ARHGAP8: variants seen among roughly 807,000 people sequenced by gnomAD.
ARHGAP8 encodes rho GTPase-activating protein 8.
A neutral mutation model predicts 46.1 loss-of-function variants in ARHGAP8; 62 were observed. The observed-to-expected ratio is 1.34, with a 90% CI of 1.10 to 1.66. ARHGAP8 has a LOEUF of 1.66. Ranked by LOEUF, ARHGAP8 falls within the 40% of genes most tolerant of loss-of-function variation. ARHGAP8 has a pLI of 0.00. For synonymous variants in ARHGAP8, 375 were observed against 243.1 expected, an observed-to-expected ratio of 1.54 and a Z score of -5.05; for missense variants, 923 against 568.4, an observed-to-expected ratio of 1.62 and a Z score of -6.34.
At chr22:44,774,671 C>T (rs541641273) in intron 1 of ARHGAP8, among the ~76,000 whole-genome samples, 112 of 151,818 alleles carry the variant, frequency 7.4e-4, no homozygotes, top group Non-Finnish European at 1.2e-3. Flanking sequence ...TACAGGCACC[C>T]GCCACCACAC....
chr22:44,766,664 C>T (rs1393598045), intron 1 of ARHGAP8, among the ~76,000 whole-genome samples: 3 of 152,166 alleles, frequency 2.0e-5, no homozygotes, highest in Admixed American at 2.0e-4. Context: ...GGGGACCCTT[C>T]CGGGGGCTCT....
Position 44,846,876 on chromosome 22 carries a change from G to C in ARHGAP8, c.671-1097G>C, listed in dbSNP as rs1042077245. ...CCCTGCCAGACCGGGGTCCCTGTTA[G>C]GGGGGTTGACCTTGTTGGGGGGCTT... On this transcript the variant is annotated intron_variant, in intron 8 of 11. Transcript: ENST00000356099. Among the ~76,000 whole-genome samples the C allele has an allele frequency of 5.9e-5, 9 of 152,170 alleles. No homozygotes were observed. The East Asian group carries it at 9.7e-4, about 16-fold the overall frequency.
At chr22:44,833,547 A>G (rs1931101869) in intron 7 of ARHGAP8, among the ~76,000 whole-genome samples, 1 of 151,906 alleles carries the variant, frequency 6.6e-6, no homozygotes, top group Non-Finnish European at 1.5e-5. Context: ...AATCTTTTTC[A>G]TATATTGCTG....
chr22:44,855,853 G>A (rs900608389), intron 10 of ARHGAP8, among the ~76,000 whole-genome samples: 14 of 152,176 alleles, frequency 9.2e-5, no homozygotes, highest in Non-Finnish European at 1.5e-4. Flanking sequence ...CTGAGGCTGG[G>A]TAATTTATAA....
chr22:44,829,027 C>T (rs1487246701), intron 7 of ARHGAP8, among the ~76,000 whole-genome samples: 1 of 146,152 alleles, frequency 6.8e-6, no homozygotes, highest in African/African-American at 2.5e-5. Context: ...AATCCCAACA[C>T]TTTGGGAGGC....
intron 10 of ARHGAP8, among the ~76,000 whole-genome samples, chr22:44,854,898 G>A (rs1487375192): frequency 2.0e-5 from 3 of 151,984 alleles, no homozygotes; most frequent in Non-Finnish European, 4.4e-5. Context: ...TGCCCGCCTT[G>A]GCCTCCCGAA....
chr22:44,776,723 A>G (rs112215177), intron 1 of ARHGAP8, among the ~76,000 whole-genome samples: 1 of 152,148 alleles, frequency 6.6e-6, no homozygotes, highest in African/African-American at 2.4e-5. Flanking sequence ...TTTGGTAATT[A>G]ACTGAAAGCC....
At chr22:44,779,012 C>A (rs1376088404) in intron 1 of ARHGAP8, among the ~76,000 whole-genome samples, 2 of 151,942 alleles carry the variant, frequency 1.3e-5, no homozygotes, top group African/African-American at 4.8e-5. Context: ...AAAACACACC[C>A]ACAAATAGAT....
chr22:44,828,886 T>C (rs9637350), intron 7 of ARHGAP8, among the ~76,000 whole-genome samples: 83,281 of 151,766 alleles, frequency 0.55, 23,617 homozygotes, highest in East Asian at 0.71. Flanking sequence ...GGGGTGGGTC[T>C]TTAGCTGGGA....
rs139825565 is a variant in ARHGAP8, at chr22:44,862,545, A to C, written c.1252A>C (p.Lys418Gln). The change falls in exon 12 of 12, where the codon AAG becomes CAG. Residue 418 changes from lysine (K) to glutamine (Q), a missense_variant. By Grantham distance (53) the Lys-to-Gln change is moderately conservative. Coordinates refer to ENST00000356099, the MANE Select transcript of ARHGAP8 (RefSeq NM_181335.3). ...VPRTQATGLT[K>Q]PTLPPSPLMA... ...ACGGACACAAGCCACGGGCCTCACCAAGCCTACCCTACCTCCGAGTCCCCT... is the reference window on the plus strand; with the variant it reads ...ACGGACACAAGCCACGGGCCTCACCCAGCCTACCCTACCTCCGAGTCCCCT... 6.9e-6 allele frequency: 11 copies of C among 1,603,936 alleles called. No individual in the cohort carries two copies. In the Admixed American group the frequency reaches 8.4e-5, roughly 12 times the overall value.
At chr22:44,811,373 A>G (rs1382618398) in intron 4 of ARHGAP8, among the ~76,000 whole-genome samples, 2 of 152,260 alleles carry the variant, frequency 1.3e-5, no homozygotes, top group African/African-American at 2.4e-5. Flanking sequence ...GAGCTCTCAC[A>G]TTGAAGGGCG....
chr22:44,858,723 A>T lies in ARHGAP8; in HGVS notation c.878-1008A>T, dbSNP rs968144164. ...TGGAGCTCCAGTGGTAGATGTGGTT[A>T]TAAGGGTAACTGGGGGGTCTCAGAG... On this transcript the variant is annotated intron_variant, in intron 10 of 11. Transcript: ENST00000356099. Among the ~76,000 whole-genome samples the T allele has an allele frequency of 2.9e-5, 4 of 137,706 alleles. 1 individual carries two copies. The highest frequency in any genetic ancestry group is 4.7e-5 in the Non-Finnish European group (3 of 63,398). The allele number at this position is 137,706 out of a possible 152,430, so 90.3% of individuals were successfully genotyped here. A position where few individuals can be genotyped will look rare whatever the true frequency, so the allele number is the denominator to read the frequency against.
intron 10 of ARHGAP8, among the ~76,000 whole-genome samples, chr22:44,859,394 A>G (rs186363586): frequency 6.6e-5 from 10 of 152,056 alleles, no homozygotes; most frequent in African/African-American, 2.2e-4. Flanking sequence ...CACGTGATGC[A>G]CCTCCTTCCT....
At chr22:44,813,782 C>G (rs1451789537) in intron 4 of ARHGAP8, among the ~76,000 whole-genome samples, 5 of 131,482 alleles carry the variant, frequency 3.8e-5, no homozygotes, top group Non-Finnish European at 6.6e-5. Context: ...CCTACATACA[C>G]CTACACACAC....
chr22:44,802,955 G>A (rs900414552), intron 3 of ARHGAP8, among the ~76,000 whole-genome samples: 2 of 152,028 alleles, frequency 1.3e-5, no homozygotes, highest in Non-Finnish European at 2.9e-5. Context: ...TTTGAGGGGT[G>A]GCATTCAAAC....
In ARHGAP8 at chr22:44,859,904, C is replaced by T; in HGVS notation, c.981+70C>T. The T allele has an allele frequency of 2.0e-6, 3 of 1,526,768 alleles. No homozygotes were observed. In the South Asian group the frequency reaches 3.6e-5, roughly 18 times the overall value. The allele number at this position is 1,526,768 out of a possible 1,614,324, so 94.6% of individuals were successfully genotyped here. On this transcript the variant is annotated intron_variant, in intron 11 of 11. Coordinates refer to ENST00000356099, the MANE Select transcript of ARHGAP8 (RefSeq NM_181335.3). ...CCCTCCCATGCTGGGCCCGCATGGA[C>T]CAGTCCCCTCCTTGCCCTGGGTCTG...
At position 44,862,731 on chromosome 22, in the gene ARHGAP8, C is replaced by T; in HGVS notation, c.*136C>T. 9.1e-7 allele frequency: 1 copy of T among 1,098,494 alleles called. No homozygotes were observed. The highest frequency in any genetic ancestry group is 2.9e-5 in the Admixed American group (1 of 34,086). The allele number at this position is 1,098,494 out of a possible 1,614,324, so 68.0% of individuals were successfully genotyped here. A position where few individuals can be genotyped will look rare whatever the true frequency, so the allele number is the denominator to read the frequency against. On this transcript the variant is annotated 3_prime_UTR_variant, in exon 12 of 12. Transcript: ENST00000356099. Reference sequence around the variant, plus strand: ...ACCTTCTAATGAAAACTCCATGCCTCTGGTCCTTGGACTCTTGTCCATGGT... The same window carrying T: ...ACCTTCTAATGAAAACTCCATGCCTTTGGTCCTTGGACTCTTGTCCATGGT...
At chr22:44,832,903 G>A (rs148427873) in intron 7 of ARHGAP8, among the ~76,000 whole-genome samples, 2,110 of 151,960 alleles carry the variant, frequency 0.014, 14 homozygotes, top group Non-Finnish European at 0.022. Context: ...GAGGTGGGAG[G>A]ATCACTTGAG....
At chr22:44,853,873 C>T (rs181697322) in intron 10 of ARHGAP8, among the ~76,000 whole-genome samples, 1 of 151,694 alleles carries the variant, frequency 6.6e-6, no homozygotes, top group Admixed American at 6.6e-5. Flanking sequence ...ACTAAAAATA[C>T]AGAATTAGCC....
Sources: gnomAD v4.1 joint callset for allele counts (sites outside exome capture counted in the v4.1 genomes callset) on GRCh38, gnomAD v4.1.1 for gene constraint, MANE v1.5 for transcripts, NCBI Gene and HGNC (gene_info 2026-07-23, HGNC 2026-07-21) for gene names.